Variants in PTPRD observed in about 807,000 individuals in gnomAD.
PTPRD encodes protein tyrosine phosphatase receptor type D, also known as receptor-type tyrosine-protein phosphatase delta.
Under a neutral mutation model 214.5 loss-of-function variants are expected in PTPRD, and 34 were observed. That is an observed-to-expected ratio of 0.16 (90% confidence interval 0.12 to 0.21). The LOEUF is 0.21. Ranked by LOEUF, PTPRD falls within the 10% of genes least tolerant of loss-of-function variation. The pLI, the probability that PTPRD is intolerant of heterozygous loss-of-function variation, is 1.00. For missense variants in PTPRD, 2,545 were observed against 2,398.7 expected, an observed-to-expected ratio of 1.06 and a Z score of -1.27; for synonymous variants, 1,128 against 845.7, an observed-to-expected ratio of 1.33 and a Z score of -5.79.
intron 11 of PTPRD, among the ~76,000 whole-genome samples, chr9:8,806,740 T>C (rs1159350645): frequency 6.6e-6 from 1 of 152,192 alleles, no homozygotes; most frequent in Non-Finnish European, 1.5e-5. Flanking sequence ...TTCCATCTGA[T>C]TAAAGGGGTT....
chr9:10,391,485 C>A (rs933488604), intron 2 of PTPRD, among the ~76,000 whole-genome samples: 4 of 151,684 alleles, frequency 2.6e-5, no homozygotes, highest in Non-Finnish European at 5.9e-5. Flanking sequence ...GCTGACAGTA[C>A]TAGGGCAGTT....
chr9:8,397,926 T>G (rs1455613022), intron 36 of PTPRD, among the ~76,000 whole-genome samples: 1 of 152,142 alleles, frequency 6.6e-6, no homozygotes, highest in Non-Finnish European at 1.5e-5. Flanking sequence ...ATGATATATA[T>G]TTGAATTTCC....
intron 11 of PTPRD, among the ~76,000 whole-genome samples, chr9:8,914,557 C>T (rs114660845): frequency 1.3e-5 from 2 of 152,026 alleles, no homozygotes; most frequent in Non-Finnish European, 2.9e-5. Context: ...CTGAAGCAAG[C>T]TGTAATGATT....
In PTPRD at chr9:9,238,914, G is replaced by C. The variant is rs536515019; in HGVS notation, c.-202-55551C>G. Among the ~76,000 whole-genome samples the C allele has an allele frequency of 2.6e-5, 4 of 152,162 alleles. No individual in the cohort carries two copies. In the South Asian group the frequency reaches 6.2e-4, roughly 24 times the overall value. On this transcript the variant is annotated intron_variant, in intron 9 of 45. Transcript: ENST00000381196. ...TCTTAATTTTATCCTAGGACCCTCT[G>C]CGTACTTCCCTATACCATTCCAAGT...
intron 11 of PTPRD, among the ~76,000 whole-genome samples, chr9:8,873,681 A>G (rs771634026): frequency 6.6e-6 from 1 of 152,292 alleles, no homozygotes; most frequent in South Asian, 2.1e-4. Context: ...AATAGTGACA[A>G]AAAGAGAGTT....
In PTPRD at chr9:8,925,858, ATTTTTTT is replaced by A. The variant is rs33971552; in HGVS notation, c.-104+92832_-104+92838del. ...AATTTGTCAGCTGGACTATTGCAAT[ATTTTTTT>A]TTTTTTTTTTTTACTGATCTCTTGC... On this transcript the variant is annotated intron_variant, in intron 11 of 45. Transcript: ENST00000381196. Among the ~76,000 whole-genome samples, 41 of 120,172 alleles carry A rather than the reference ATTTTTTT, an allele frequency of 3.4e-4. 1 individual carries two copies. The highest frequency in any genetic ancestry group is 1.2e-3 in the African/African-American group (38 of 32,844). 78.8% of individuals were successfully genotyped at this position (120,172 alleles called of 152,430 possible). A position where few individuals can be genotyped will look rare whatever the true frequency, so the allele number is the denominator to read the frequency against.
chr9:9,662,191 G>C (rs1252386705), intron 7 of PTPRD, among the ~76,000 whole-genome samples: 1 of 151,576 alleles, frequency 6.6e-6, no homozygotes, highest in Non-Finnish European at 1.5e-5. Context: ...GGCAGTCTCA[G>C]TTCCAGTATT....
At chr9:10,084,926 C>G (rs191904575) in intron 3 of PTPRD, among the ~76,000 whole-genome samples, 178 of 151,890 alleles carry the variant, frequency 1.2e-3, no homozygotes, top group African/African-American at 4.2e-3. Context: ...TCTCAACTCT[C>G]GTAGATAAAA....
At chr9:8,429,730 G>A (rs1322106769) in intron 35 of PTPRD, among the ~76,000 whole-genome samples, 1 of 152,136 alleles carries the variant, frequency 6.6e-6, no homozygotes, top group Non-Finnish European at 1.5e-5. Flanking sequence ...TGTGAGCACT[G>A]AGACTGGAGA....
At chr9:10,225,071 C>T (rs1262759755) in intron 3 of PTPRD, among the ~76,000 whole-genome samples, 3 of 151,936 alleles carry the variant, frequency 2.0e-5, no homozygotes, top group Non-Finnish European at 4.4e-5. Flanking sequence ...CACTTCTAAC[C>T]TCCACATTGT....
At chr9:9,963,635 G>C (rs1339997233) in intron 4 of PTPRD, among the ~76,000 whole-genome samples, 4 of 152,122 alleles carry the variant, frequency 2.6e-5, no homozygotes, top group African/African-American at 9.7e-5. Context: ...AATTTGGGTA[G>C]GTAGAGACAG....
At chr9:9,528,425 T>A (rs2074663297) in intron 8 of PTPRD, among the ~76,000 whole-genome samples, 1 of 152,144 alleles carries the variant, frequency 6.6e-6, no homozygotes, top group African/African-American at 2.4e-5. Context: ...TAAATTAGCT[T>A]GGTCTAAAGG....
intron 14 of PTPRD, among the ~76,000 whole-genome samples, chr9:8,551,721 G>A (rs6477317): frequency 0.25 from 38,226 of 152,114 alleles, 8,442 homozygotes; most frequent in African/African-American, 0.59. Flanking sequence ...GTTTATAGGT[G>A]TAATAATTCA....
chr9:8,930,578 A>G (rs1368840994), intron 11 of PTPRD, among the ~76,000 whole-genome samples: 1 of 152,158 alleles, frequency 6.6e-6, no homozygotes, highest in Non-Finnish European at 1.5e-5. Context: ...AGTCCCACCA[A>G]CAGTGTAAAA....
chr9:9,075,381 T>C (rs528645852), intron 10 of PTPRD, among the ~76,000 whole-genome samples: 87 of 152,308 alleles, frequency 5.7e-4, no homozygotes, highest in African/African-American at 2.1e-3. Flanking sequence ...TTTCAAATAC[T>C]AGATATTATT....
chr9:8,968,275 T>C (rs1320934513), intron 11 of PTPRD, among the ~76,000 whole-genome samples: 1 of 152,138 alleles, frequency 6.6e-6, no homozygotes, highest in African/African-American at 2.4e-5. Flanking sequence ...TACCCAGTAA[T>C]GGGATGGCTG....
intron 12 of PTPRD, chr9:8,701,016 C>G (rs1297878101): frequency 6.6e-6 from 1 of 151,392 alleles, no homozygotes; most frequent in African/African-American, 2.4e-5. Context: ...CAAAAATTAG[C>G]CAGGTGTGGT....
At chr9:9,261,506 G>C (rs1361193449) in intron 9 of PTPRD, among the ~76,000 whole-genome samples, 2 of 151,846 alleles carry the variant, frequency 1.3e-5, no homozygotes, top group Non-Finnish European at 2.9e-5. Context: ...CTGAGAAAAA[G>C]AACTGGTCTT....
chr9:10,275,603 T>C (rs2094635561), intron 3 of PTPRD, among the ~76,000 whole-genome samples: 1 of 152,146 alleles, frequency 6.6e-6, no homozygotes, highest in Admixed American at 6.5e-5. Context: ...ATTCCATTAT[T>C]GGGATAGACT....
Sources: allele counts gnomAD v4.1 joint callset (sites outside exome capture counted in the v4.1 genomes callset), GRCh38; gene constraint gnomAD v4.1.1; transcripts MANE v1.5; gene names NCBI Gene and HGNC (gene_info 2026-07-23, HGNC 2026-07-21).